MTMR12: variants seen among roughly 807,000 people sequenced by gnomAD.
MTMR12 encodes myotubularin related protein 12, also known as myotubularin-related protein 12.
Under a neutral mutation model 96.7 loss-of-function variants are expected in MTMR12, and 33 were observed. The ratio of observed to expected loss-of-function variants is 0.34; its 90% CI spans 0.26 to 0.46. MTMR12 has a LOEUF of 0.46. Among genes scored for constraint, MTMR12 ranks in the 20% least tolerant of loss-of-function variants. The probability of loss-of-function intolerance (pLI) is 1.00; values close to 1 mark genes in which losing one functional copy is unlikely to be tolerated. For synonymous variants in MTMR12, 298 were observed against 327.2 expected, an observed-to-expected ratio of 0.91 and a Z score of 0.96; for missense variants, 721 against 896.1, an observed-to-expected ratio of 0.80 and a Z score of 2.49.
chr5:32,249,988 C>T (rs1748853607), intron 8 of MTMR12, among the ~76,000 whole-genome samples: 1 of 152,198 alleles, frequency 6.6e-6, no homozygotes, highest in South Asian at 2.1e-4. Context: ...GGAGGAAAGA[C>T]CTTTTATAAT....
Position 32,306,876 on chromosome 5 carries a change from G to A in MTMR12, c.81+5882C>T, listed in dbSNP as rs1478723756. 5.3e-5 allele frequency among the ~76,000 whole-genome samples: 8 copies of A among 152,186 alleles called. No individual in the cohort carries two copies. The South Asian group carries it at 1.5e-3, about 28-fold the overall frequency. The stretch of plus-strand genomic sequence containing the variant: ...CGTTAACTATTATTAGTTCATTCAG[G>A]TCAAACACTGACCTAAACTCTTAGA... On this transcript the variant is annotated intron_variant, in intron 1 of 15. Transcript: ENST00000382142.
At chr5:32,244,805 A>C (rs55850747) in intron 10 of MTMR12, among the ~76,000 whole-genome samples, 67,009 of 151,920 alleles carry the variant, frequency 0.44, 15,687 homozygotes, top group African/African-American at 0.59. Context: ...ATCACCAACG[A>C]CTAGCATAGT....
intron 1 of MTMR12, among the ~76,000 whole-genome samples, chr5:32,285,805 A>T (rs1750520499): frequency 6.6e-6 from 1 of 152,182 alleles, no homozygotes; most frequent in African/African-American, 2.4e-5. Flanking sequence ...CAAAGGAGAC[A>T]CACCTGCTGG....
chr5:32,230,638 CT>C (rs1287351504), intron 15 of MTMR12, among the ~76,000 whole-genome samples: 1 of 152,228 alleles, frequency 6.6e-6, no homozygotes, highest in African/African-American at 2.4e-5. Context: ...CCCTCCTCCT[CT>C]GTCACAGGGG....
chr5:32,256,017 TCTAC>T (rs1749118748), intron 7 of MTMR12: 1 of 286,230 alleles, frequency 3.5e-6, no homozygotes, highest in African/African-American at 2.2e-5. Context: ...GGTAAGTTAT[TCTAC>T]CTCTCTGGGT....
At chr5:32,278,661 C>T (rs2112100154) in intron 1 of MTMR12, among the ~76,000 whole-genome samples, 1 of 152,270 alleles carries the variant, frequency 6.6e-6, no homozygotes, top group East Asian at 1.9e-4. Flanking sequence ...ACTTATAGTG[C>T]AGGGATGCAG....
chr5:32,285,753 G>C (rs1184489532), intron 1 of MTMR12, among the ~76,000 whole-genome samples: 1 of 152,132 alleles, frequency 6.6e-6, no homozygotes, highest in Non-Finnish European at 1.5e-5. Flanking sequence ...CAAGAGATGA[G>C]AATTTGAGAA....
chr5:32,303,532 T>C (rs1417441646), intron 1 of MTMR12, among the ~76,000 whole-genome samples: 1 of 152,168 alleles, frequency 6.6e-6, no homozygotes, highest in Non-Finnish European at 1.5e-5. Context: ...AGAGGTTTAT[T>C]TCAAATGATT....
intron 15 of MTMR12, chr5:32,232,885 C>A: frequency 1.1e-6 from 1 of 890,212 alleles, no homozygotes. Flanking sequence ...AAGGGCCAGG[C>A]TTTCTGAAGC....
intron 1 of MTMR12, among the ~76,000 whole-genome samples, chr5:32,295,587 G>A (rs1160948976): frequency 6.6e-6 from 1 of 152,110 alleles, no homozygotes; most frequent in African/African-American, 2.4e-5. Flanking sequence ...TTCAGACTAC[G>A]AATCTATTAT....
At chr5:32,256,097 T>C (rs1223195227) in intron 7 of MTMR12, among the ~76,000 whole-genome samples, 4 of 152,186 alleles carry the variant, frequency 2.6e-5, no homozygotes, top group Admixed American at 1.3e-4. Context: ...AATTCTGAAA[T>C]TGGGAGTATT....
intron 10 of MTMR12, 129 bp downstream of exon 10, chr5:32,247,873 T>C: frequency 2.9e-6 from 4 of 1,399,878 alleles, no homozygotes; most frequent in Non-Finnish European, 3.8e-6. Flanking sequence ...CCTGGCTCCA[T>C]GACATCACAG....
At chr5:32,247,070 G>C (rs1748720249) in intron 10 of MTMR12, among the ~76,000 whole-genome samples, 1 of 152,138 alleles carries the variant, frequency 6.6e-6, no homozygotes. Flanking sequence ...GTCCAAGTTA[G>C]TCCAGGCAGC....
chr5:32,296,115 C>T (rs1386308856), intron 1 of MTMR12, among the ~76,000 whole-genome samples: 4 of 151,746 alleles, frequency 2.6e-5, no homozygotes, highest in Admixed American at 6.6e-5. Flanking sequence ...GCTGAGATCA[C>T]GCCATTGCAT....
In MTMR12 at chr5:32,239,178, G is replaced by A. The variant is rs1156699840; in HGVS notation, c.1172-5C>T. The A allele has an allele frequency of 1.3e-6, 2 of 1,577,298 alleles. No individual in the cohort carries two copies. Among genetic ancestry groups the A allele is most frequent in the African/African-American group, 1.3e-5 (1 of 74,448 alleles). ...AGAGGTCGGATGCATTCTCCTCTAG[G>A]AGAGGCCCCAGCAGCAGTGCAAAGA... On this transcript the variant is annotated splice_region_variant and splice_polypyrimidine_tract_variant and intron_variant, in intron 12 of 15. Coordinates refer to ENST00000382142, the MANE Select transcript of MTMR12 (RefSeq NM_001040446.3).
intron 8 of MTMR12, among the ~76,000 whole-genome samples, chr5:32,253,294 T>C (rs1749013545): frequency 1.3e-5 from 2 of 152,228 alleles, no homozygotes; most frequent in Admixed American, 1.3e-4. Context: ...CAAGAGGCTA[T>C]AGTGGTACTG....
At chr5:32,290,731 A>G (rs559813618) in intron 1 of MTMR12, among the ~76,000 whole-genome samples, 2 of 152,360 alleles carry the variant, frequency 1.3e-5, no homozygotes, top group East Asian at 3.9e-4. Flanking sequence ...TTGAGGTGTC[A>G]GTGGCAGATA....
At chr5:32,301,378 T>C (rs1398111981) in intron 1 of MTMR12, among the ~76,000 whole-genome samples, 1 of 152,292 alleles carries the variant, frequency 6.6e-6, no homozygotes. Context: ...ACAGACTGAC[T>C]GACCCCCTAG....
intron 1 of MTMR12, among the ~76,000 whole-genome samples, chr5:32,311,349 T>A (rs1751589421): frequency 6.6e-6 from 1 of 152,242 alleles, no homozygotes; most frequent in South Asian, 2.1e-4. Flanking sequence ...AAATGGTTTG[T>A]ATTTTACAAC....
Sources: allele counts gnomAD v4.1 joint callset (sites outside exome capture counted in the v4.1 genomes callset), GRCh38; gene constraint gnomAD v4.1.1; transcripts MANE v1.5; gene names NCBI Gene and HGNC (gene_info 2026-07-23, HGNC 2026-07-21).